The following TXLNG variants were observed in gnomAD, a reference collection of about 807,000 sequenced individuals.
TXLNG encodes the protein gamma-taxilin.
TXLNG carries 5 observed loss-of-function variants against 38.8 expected under a neutral mutation model. The observed-to-expected ratio is 0.13, with a 90% CI of 0.07 to 0.27. The LOEUF is 0.27. Among genes scored for constraint, TXLNG ranks in the 10% least tolerant of loss-of-function variants. TXLNG has a pLI of 1.00. For missense variants in TXLNG, 393 were observed against 398.2 expected, an observed-to-expected ratio of 0.99 and a Z score of 0.11; for synonymous variants, 182 against 158.2, an observed-to-expected ratio of 1.15 and a Z score of -1.13.
chrX:16,833,624 TAC>T (rs373147838), intron 6 of TXLNG, among the ~76,000 whole-genome samples: 4,970 of 108,968 alleles, frequency 0.046, 291 homozygotes, highest in African/African-American at 0.15. Context: ...ATAAATTTTA[TAC>T]ACACACACAC....
chrX:16,800,181 C>A lies in TXLNG; in HGVS notation c.102+13592C>A, dbSNP rs186309526. On this transcript the variant is annotated intron_variant, in intron 1 of 9. Coordinates refer to ENST00000380122, the MANE Select transcript of TXLNG (RefSeq NM_018360.3). ...TCTGAAACTCCTGACCTCAGGCGATCCACCCACCTTGGTCTCCCAAAGTCC... is the reference window on the plus strand; with the variant it reads ...TCTGAAACTCCTGACCTCAGGCGATACACCCACCTTGGTCTCCCAAAGTCC... Among the ~76,000 whole-genome samples, 16 of 112,144 alleles carry A rather than the reference C, an allele frequency of 1.4e-4. No individual in the cohort carries two copies. The East Asian group carries it at 4.5e-3, about 31-fold the overall frequency.
intron 5 of TXLNG, among the ~76,000 whole-genome samples, chrX:16,831,300 G>A (rs1026666830): frequency 8.9e-6 from 1 of 112,210 alleles, no homozygotes; most frequent in African/African-American, 3.2e-5. Flanking sequence ...GGGTGAGGTG[G>A]TACTCACCTG....
rs1386949325 is a variant in TXLNG at position 16,795,276 on chromosome X, C to CA, written c.102+8696dup. On this transcript the variant is annotated intron_variant, in intron 1 of 9. Coordinates refer to ENST00000380122, the MANE Select transcript of TXLNG (RefSeq NM_018360.3). ...TGGGCGACAGAGCGAGACACTGTCT[C>CA]AAAAAAAAATAAAAATAATAATTTA... Among the ~76,000 whole-genome samples, 139 of 105,103 alleles carry CA rather than the reference C, an allele frequency of 1.3e-3. 1 individual carries two copies. Among genetic ancestry groups the CA allele is most frequent in the African/African-American group, 4.6e-3 (131 of 28,754 alleles). The allele number at this position is 105,103 out of a possible 115,157, so 91.3% of individuals were successfully genotyped here.
chrX:16,819,154 G>T (rs755792280), intron 2 of TXLNG, among the ~76,000 whole-genome samples: 3 of 109,898 alleles, frequency 2.7e-5, no homozygotes, highest in Non-Finnish European at 5.7e-5. Flanking sequence ...GCCCAGGCTG[G>T]TCTCAAACTC....
chrX:16,789,859 A>G (rs1318261279), intron 1 of TXLNG, among the ~76,000 whole-genome samples: 1 of 108,728 alleles, frequency 9.2e-6, no homozygotes, highest in African/African-American at 3.4e-5. Context: ...CAATGGCATG[A>G]TCTTGGCTCA....
At chrX:16,832,569 C>T in intron 5 of TXLNG, 54 bp from the exon 6 acceptor site, 1 of 1,205,668 alleles carries the variant, frequency 8.3e-7, no homozygotes, top group Non-Finnish European at 1.1e-6. Flanking sequence ...TGTTTCCTCC[C>T]CACTGTGTTC....
intron 9 of TXLNG, 55 bp from the exon 10 acceptor site, chrX:16,841,373 T>G: frequency 9.1e-7 from 1 of 1,103,086 alleles, no homozygotes; most frequent in African/African-American, 1.8e-5. Flanking sequence ...GCTTAATTTT[T>G]TTGTAACCTG....
intron 6 of TXLNG, among the ~76,000 whole-genome samples, chrX:16,833,884 C>G (rs1273824393): frequency 8.9e-6 from 1 of 112,294 alleles, no homozygotes; most frequent in African/African-American, 3.2e-5. Flanking sequence ...TTTCCCCATA[C>G]GCTTTCACTC....
chrX:16,809,290 C>T (rs1928425951), intron 1 of TXLNG, among the ~76,000 whole-genome samples: 1 of 106,570 alleles, frequency 9.4e-6, no homozygotes, highest in Admixed American at 1.0e-4. Context: ...ATGCCCCCCA[C>T]CCCCTCCCAC....
At chrX:16,807,473 T>C (rs994049449) in intron 1 of TXLNG, among the ~76,000 whole-genome samples, 1 of 111,418 alleles carries the variant, frequency 9.0e-6, no homozygotes, top group Non-Finnish European at 1.9e-5. Flanking sequence ...TTTACTGATT[T>C]TAATATGATT....
chrX:16,788,945 GGCATGA>G (rs1194708857), intron 1 of TXLNG, among the ~76,000 whole-genome samples: 1 of 111,780 alleles, frequency 8.9e-6, no homozygotes, highest in Admixed American at 9.6e-5. Context: ...CGGGATTACA[GGCATGA>G]GCCACTGCAA....
At chrX:16,804,925 G>T (rs1249454999) in intron 1 of TXLNG, among the ~76,000 whole-genome samples, 1 of 71,224 alleles carries the variant, frequency 1.4e-5, no homozygotes, top group East Asian at 5.6e-4. Flanking sequence ...GAATTTCAAA[G>T]ATTTTAATTA....
intron 2 of TXLNG, 28 bp from the exon 3 acceptor site, chrX:16,820,136 A>G: frequency 9.0e-7 from 1 of 1,116,575 alleles, no homozygotes; most frequent in Non-Finnish European, 1.2e-6. Flanking sequence ...TTCTTCTGGG[A>G]CTTATTTCTT....
At chrX:16,837,784 C>G in intron 8 of TXLNG, 99 bp downstream of exon 8, 2 of 626,577 alleles carry the variant, frequency 3.2e-6, no homozygotes, top group Non-Finnish European at 4.7e-6. Flanking sequence ...TGTTATGATA[C>G]TGTCTTCATT....
At chrX:16,812,776 A>G (rs1479407397) in intron 1 of TXLNG, among the ~76,000 whole-genome samples, 1 of 83,229 alleles carries the variant, frequency 1.2e-5, no homozygotes. Context: ...ATCTCGGCTC[A>G]CCACAACCTC....
chrX:16,821,786 C>G (rs765987818), intron 3 of TXLNG, among the ~76,000 whole-genome samples: 14 of 107,596 alleles, frequency 1.3e-4, no homozygotes, highest in Non-Finnish European at 2.3e-4. Flanking sequence ...GTCAGGAGAT[C>G]GAGACCATCC....
In TXLNG at chrX:16,837,697, T is replaced by G. The variant is rs753520739; in HGVS notation, c.1152+12T>G. 16 of 1,137,614 alleles carry G rather than the reference T, an allele frequency of 1.4e-5. No individual in the cohort carries two copies. In the Admixed American group the frequency reaches 3.7e-4, roughly 26 times the overall value. 93.8% of individuals were successfully genotyped at this position (1,137,614 alleles called of 1,213,427 possible). A position where few individuals can be genotyped will look rare whatever the true frequency, so the allele number is the denominator to read the frequency against. On this transcript the variant is annotated intron_variant, in intron 8 of 9. Coordinates refer to ENST00000380122, the MANE Select transcript of TXLNG (RefSeq NM_018360.3). ...AGGAAATGGAAAAGGTATTTACATA[T>G]TTTTAGTAGAATAGTATATCAAATG...
intron 3 of TXLNG, among the ~76,000 whole-genome samples, chrX:16,822,483 G>C (rs1929012902): frequency 8.9e-6 from 1 of 111,958 alleles, no homozygotes; most frequent in African/African-American, 3.2e-5. Flanking sequence ...ATGTCCCAGA[G>C]CAGTCACAAA....
At chrX:16,804,800 A>G (rs776917206) in intron 1 of TXLNG, among the ~76,000 whole-genome samples, 3 of 109,011 alleles carry the variant, frequency 2.8e-5, no homozygotes, top group South Asian at 7.9e-4. Context: ...TACATTATGT[A>G]GCGGTGAAAT....
Sources: allele counts gnomAD v4.1 joint callset (sites outside exome capture counted in the v4.1 genomes callset), GRCh38; gene constraint gnomAD v4.1.1; transcripts MANE v1.5; gene names NCBI Gene and HGNC (gene_info 2026-07-23, HGNC 2026-07-21).